Variants in DYDC2 observed in about 807,000 individuals in gnomAD.
The protein encoded by DYDC2 is DPY30 domain-containing protein 2.
Under a neutral mutation model 18.7 loss-of-function variants are expected in DYDC2, and 19 were observed. The ratio of observed to expected loss-of-function variants is 1.02; its 90% CI spans 0.71 to 1.49. The LOEUF is 1.49. Among genes scored for constraint, DYDC2 ranks in the 40% most tolerant of loss-of-function variants. The pLI is 0.00. For synonymous variants in DYDC2, 63 were observed against 67.6 expected, an observed-to-expected ratio of 0.93 and a Z score of 0.34; for missense variants, 179 against 205.1, an observed-to-expected ratio of 0.87 and a Z score of 0.78.
At chr10:80,346,650 C>T (rs144580077) in intron 1 of DYDC2, among the ~76,000 whole-genome samples, 5 of 150,804 alleles carry the variant, frequency 3.3e-5, no homozygotes, top group East Asian at 2.0e-4. Flanking sequence ...TTAGTAGAGA[C>T]GGGGTTTCAC....
At position 80,363,512 on chromosome 10, in the gene DYDC2, T is replaced by G. The variant is rs113803551; in HGVS notation, c.270+439T>G. Among the ~76,000 whole-genome samples, 217 of 20,896 alleles carry G rather than the reference T, an allele frequency of 0.01. 3 individuals are homozygous for G. The East Asian group carries it at 0.17, about 16-fold the overall frequency. 13.7% of individuals were successfully genotyped at this position (20,896 alleles called of 152,430 possible). ...GGCACATGCCACCACGCCCGGCTAA[T>G]TTTTTTTTTTTTTTTTTAGTAGAGA... is the stretch of plus-strand genomic sequence containing the variant. On this transcript the variant is annotated intron_variant, in intron 4 of 4. Coordinates refer to ENST00000256039, the MANE Select transcript of DYDC2 (RefSeq NM_032372.6).
At chr10:80,347,894 C>T (rs564136724) in intron 1 of DYDC2, among the ~76,000 whole-genome samples, 1 of 152,274 alleles carries the variant, frequency 6.6e-6, no homozygotes, top group East Asian at 1.9e-4. Flanking sequence ...TTTGATAGTT[C>T]CAACTTCGTT....
chr10:80,362,678 C>A, intron 3 of DYDC2, 88 bp downstream of exon 3: 2 of 1,504,102 alleles, frequency 1.3e-6, no homozygotes, highest in Non-Finnish European at 1.8e-6. Flanking sequence ...CTGGAGCTGG[C>A]CTGGGGAATT....
rs763613697 is a variant in DYDC2, at chr10:80,366,910, G to A, written c.493G>A (p.Val165Ile). Residue 165 changes from valine to isoleucine, a missense_variant, in exon 5 of 5, where the codon GTT (valine) becomes ATT (isoleucine). By Grantham distance (29) the Val-to-Ile change is conservative (BLOSUM62 3). Transcript: ENST00000256039. ...TTACAAGGAGGCTTTTCAGCATGAAGTTGCTCATGAAATGCCTCCTGGCTC... is the reference window on the plus strand; with the variant it reads ...TTACAAGGAGGCTTTTCAGCATGAAATTGCTCATGAAATGCCTCCTGGCTC... ...INYKEAFQHE[V>I]AHEMPPGSKS... is the part of the protein sequence containing the mutation. The A allele has an allele frequency of 3.1e-6, 5 of 1,613,868 alleles. No homozygotes were observed. In the East Asian group the frequency reaches 8.9e-5, roughly 29 times the overall value.
chr10:80,348,494 C>T (rs1156382392), intron 1 of DYDC2, among the ~76,000 whole-genome samples: 2 of 152,238 alleles, frequency 1.3e-5, no homozygotes, highest in African/African-American at 4.8e-5. Flanking sequence ...CTGCTTTATA[C>T]ACGTCCAGTG....
rs554145311 is a variant in DYDC2 at position 80,364,533 on chromosome 10, C to A, written c.270+1460C>A. ...ATGGTAGCTTTATTAAGGAAAATTT[C>A]TCGGTTCACATCAATATTTTGAATT... On this transcript the variant is annotated intron_variant, in intron 4 of 4. Transcript: ENST00000256039. 5.0e-4 allele frequency among the ~76,000 whole-genome samples: 76 copies of A among 152,274 alleles called. No individual in the cohort carries two copies. The South Asian group carries it at 6.0e-3, about 12-fold the overall frequency.
chr10:80,360,580 C>A (rs764958304), intron 2 of DYDC2, among the ~76,000 whole-genome samples: 1 of 152,098 alleles, frequency 6.6e-6, no homozygotes, highest in Non-Finnish European at 1.5e-5. Flanking sequence ...CAGACATAGA[C>A]ACATTTGGGA....
At chr10:80,362,298 T>G in intron 2 of DYDC2, 137 bp from the exon 3 acceptor site, 1 of 1,246,710 alleles carries the variant, frequency 8.0e-7, no homozygotes, top group Non-Finnish European at 1.1e-6. Context: ...AAGTGTTTGT[T>G]GGTTCTTTTG....
chr10:80,351,888 C>T (rs777757380), upstream of DYDC2: 11 of 1,613,398 alleles, frequency 6.8e-6, no homozygotes. Flanking sequence ...CTGAACTCTC[C>T]TACTTGCCTC....
chr10:80,362,234 G>A (rs992943444), intron 2 of DYDC2, among the ~76,000 whole-genome samples: 10 of 152,186 alleles, frequency 6.6e-5, no homozygotes, highest in Admixed American at 3.9e-4. Context: ...TCAGGAGGAG[G>A]CCAGGTCCTA....
rs996429382 is a variant in DYDC2 at position 80,358,962 on chromosome 10, A to G, written c.-10+917A>G. ...ACCTTTGCAGTGAGTGTTACAGCTC[A>G]TAAAGGCAGTGCAGACCCAAACAAT... On this transcript the variant is annotated intron_variant, in intron 2 of 4. Transcript: ENST00000256039. Among the ~76,000 whole-genome samples the G allele has an allele frequency of 2.6e-5, 4 of 152,228 alleles. No homozygotes were observed. The East Asian group carries it at 7.7e-4, about 29-fold the overall frequency.
chr10:80,363,135 C>T lies in DYDC2; in HGVS notation c.270+62C>T, dbSNP rs939777480. On this transcript the variant is annotated intron_variant, in intron 4 of 4. Coordinates refer to ENST00000256039, the MANE Select transcript of DYDC2 (RefSeq NM_032372.6). ...ATCCCAGTGATGGACTCCAGGAAAG[C>T]CACAAGTCAGCCCAGTCCCAATCCA... 6.1e-5 allele frequency: 95 copies of T among 1,560,502 alleles called. 1 individual carries two copies. In the Admixed American group the frequency reaches 1.2e-3, roughly 19 times the overall value.
intron 2 of DYDC2, among the ~76,000 whole-genome samples, chr10:80,362,005 G>C (rs1843677675): frequency 6.6e-6 from 1 of 152,222 alleles, no homozygotes; most frequent in South Asian, 2.1e-4. Flanking sequence ...GCAGTGGAGA[G>C]AGCTAGGAAA....
At chr10:80,358,340 T>C (rs1029475189) in intron 2 of DYDC2, among the ~76,000 whole-genome samples, 2 of 152,004 alleles carry the variant, frequency 1.3e-5, no homozygotes, top group African/African-American at 2.4e-5. Flanking sequence ...ATTGTGCCAC[T>C]GCACTCCAGC....
chr10:80,365,413 T>C (rs963651081), intron 4 of DYDC2, among the ~76,000 whole-genome samples: 3 of 152,252 alleles, frequency 2.0e-5, no homozygotes, highest in Admixed American at 1.3e-4. Context: ...TAATTTTGTT[T>C]CTGAGTCAGA....
chr10:80,357,369 G>C (rs1453596536), intron 1 of DYDC2, among the ~76,000 whole-genome samples: 2 of 151,964 alleles, frequency 1.3e-5, no homozygotes, highest in Admixed American at 6.6e-5. Context: ...GAGCCGAGGA[G>C]ACTTGCTACA....
intron 4 of DYDC2, among the ~76,000 whole-genome samples, chr10:80,365,299 C>A (rs145217921): frequency 6.6e-5 from 10 of 152,244 alleles, no homozygotes; most frequent in Middle Eastern, 3.4e-3. Context: ...ACCCAATTAT[C>A]TGAACCAAAA....
chr10:80,349,116 C>T (rs974013949), intron 1 of DYDC2, among the ~76,000 whole-genome samples: 1 of 152,208 alleles, frequency 6.6e-6, no homozygotes, highest in Non-Finnish European at 1.5e-5. Flanking sequence ...TGGTCTCGAT[C>T]TCCTGACCCT....
At chr10:80,357,585 C>A (rs1040305356) in intron 1 of DYDC2, among the ~76,000 whole-genome samples, 1 of 152,134 alleles carries the variant, frequency 6.6e-6, no homozygotes, top group African/African-American at 2.4e-5. Context: ...CAACTCTGCA[C>A]CTTTGCTCTT....
Sources: allele counts gnomAD v4.1 joint callset (sites outside exome capture counted in the v4.1 genomes callset), GRCh38; gene constraint gnomAD v4.1.1; transcripts MANE v1.5; gene names NCBI Gene and HGNC (gene_info 2026-07-23, HGNC 2026-07-21).